TRPM7: variants seen among roughly 807,000 people sequenced by gnomAD.
The protein encoded by TRPM7 is LTRPC ion channel family member 7.
Under a neutral mutation model 229.7 loss-of-function variants are expected in TRPM7, and 134 were observed. The ratio of observed to expected loss-of-function variants is 0.58; its 90% confidence interval spans 0.51 to 0.67. TRPM7 has a LOEUF of 0.67. TRPM7 is among the 30% of genes least tolerant of loss of function. The pLI is 0.00. For synonymous variants in TRPM7, 699 were observed against 715.2 expected, an observed-to-expected ratio of 0.98 and a Z score of 0.36; for missense variants, 1,901 against 2,210.0, an observed-to-expected ratio of 0.86 and a Z score of 2.80.
In TRPM7 at chr15:50,596,010, C is replaced by T. The variant is rs535818649; in HGVS notation, c.3290+245G>A. 1.9e-3 allele frequency among the ~76,000 whole-genome samples: 284 copies of T among 151,990 alleles called. 1 individual carries two copies. Among genetic ancestry groups the T allele is most frequent in the Middle Eastern group, 6.8e-3 (2 of 294 alleles). On this transcript the variant is annotated intron_variant, in intron 23 of 38. Transcript: ENST00000646667. ...TATTGAATGCGTATTTGTTGGCAAC[C>T]GAGGAAAAATCCCAGATAACGATTA...
At chr15:50,597,787 T>C (rs1447790117) in intron 22 of TRPM7, among the ~76,000 whole-genome samples, 1 of 151,776 alleles carries the variant, frequency 6.6e-6, no homozygotes, top group Admixed American at 6.6e-5. Context: ...GGCATGATGG[T>C]ATGCAGCTGT....
intron 4 of TRPM7, among the ~76,000 whole-genome samples, chr15:50,646,476 G>T (rs996955292): frequency 2.0e-5 from 3 of 152,150 alleles, no homozygotes; most frequent in Non-Finnish European, 4.4e-5. Flanking sequence ...TACAGACAAG[G>T]TCTCACTATG....
chr15:50,577,027 G>A (rs1277458609), intron 31 of TRPM7, among the ~76,000 whole-genome samples: 1 of 152,014 alleles, frequency 6.6e-6, no homozygotes. Flanking sequence ...TGGGAGGAAT[G>A]CTTGAGCCTA....
chr15:50,584,809 T>C (rs911571367), intron 28 of TRPM7, among the ~76,000 whole-genome samples: 4 of 152,054 alleles, frequency 2.6e-5, no homozygotes, highest in African/African-American at 7.2e-5. Flanking sequence ...ATAACATCTA[T>C]GTTAACTTAA....
intron 12 of TRPM7, among the ~76,000 whole-genome samples, chr15:50,622,223 A>C (rs1265262929): frequency 6.6e-6 from 1 of 152,208 alleles, no homozygotes; most frequent in Non-Finnish European, 1.5e-5. Flanking sequence ...AACACACACA[A>C]ACAAAACCTC....
At chr15:50,602,792 T>A (rs927074539) in intron 21 of TRPM7, among the ~76,000 whole-genome samples, 9 of 152,090 alleles carry the variant, frequency 5.9e-5, no homozygotes, top group African/African-American at 1.9e-4. Context: ...AAAGGGGATG[T>A]AAAGGGAAGC....
intron 28 of TRPM7, among the ~76,000 whole-genome samples, 159 bp from the exon 29 acceptor site, chr15:50,583,318 T>A (rs2054516905): frequency 6.6e-6 from 1 of 152,098 alleles, no homozygotes. Context: ...GGCCCATAAA[T>A]TATTCAATTT....
intron 28 of TRPM7, among the ~76,000 whole-genome samples, chr15:50,585,664 G>T (rs917753998): frequency 2.0e-5 from 3 of 152,208 alleles, no homozygotes; most frequent in Non-Finnish European, 4.4e-5. Context: ...ACCCAATTTG[G>T]TCATAATATG....
intron 11 of TRPM7, among the ~76,000 whole-genome samples, chr15:50,627,695 T>C (rs1203527088): frequency 2.0e-5 from 3 of 151,984 alleles, no homozygotes; most frequent in Non-Finnish European, 4.4e-5. Flanking sequence ...TAAAATTAGG[T>C]ATTTTGAAAC....
At chr15:50,570,187 T>A in intron 36 of TRPM7, 32 bp from the exon 37 acceptor site, 4 of 1,459,076 alleles carry the variant, frequency 2.7e-6, no homozygotes, top group Non-Finnish European at 3.7e-6. Context: ...AGACAAATAA[T>A]TTATATTATA....
rs35153596 is a variant in TRPM7, at chr15:50,672,898, C to CAAAA, written c.4-9856_4-9853dup. On this transcript the variant is annotated intron_variant, in intron 1 of 38. Transcript: ENST00000646667. The stretch of plus-strand genomic sequence containing the variant: ...AGGGTGACAGAGTGAGACTCTGTCT[C>CAAAA]AAAAAAAAAAAAAAAAAAAAAAAAA... Among the ~76,000 whole-genome samples, 262 of 26,212 alleles carry CAAAA rather than the reference C, an allele frequency of 1.0e-2. 44 individuals are homozygous for CAAAA. Among genetic ancestry groups the CAAAA allele is most frequent in the African/African-American group, 0.03 (229 of 7,664 alleles). 17.2% of individuals were successfully genotyped at this position (26,212 alleles called of 152,430 possible). A position where few individuals can be genotyped will look rare whatever the true frequency, so the allele number is the denominator to read the frequency against.
At chr15:50,657,852 C>A in intron 2 of TRPM7, 33 bp from the exon 3 acceptor site, 1 of 1,582,648 alleles carries the variant, frequency 6.3e-7, no homozygotes, top group Non-Finnish European at 8.6e-7. Flanking sequence ...TAAATTATTT[C>A]AGGTGAAAAA....
intron 17 of TRPM7, among the ~76,000 whole-genome samples, chr15:50,610,428 C>G (rs2060036022): frequency 6.6e-6 from 1 of 152,088 alleles, no homozygotes; most frequent in Non-Finnish European, 1.5e-5. Flanking sequence ...TTACTTATTA[C>G]TTGCAAAATC....
intron 2 of TRPM7, among the ~76,000 whole-genome samples, chr15:50,659,097 C>T (rs1423262786): frequency 6.6e-6 from 1 of 151,666 alleles, no homozygotes; most frequent in Admixed American, 6.6e-5. Context: ...ACTCGGGAGG[C>T]TGAGGAAAGA....
At chr15:50,636,466 T>G (rs1488819230) in intron 7 of TRPM7, among the ~76,000 whole-genome samples, 1 of 152,114 alleles carries the variant, frequency 6.6e-6, no homozygotes, top group African/African-American at 2.4e-5. Flanking sequence ...GCTGCGATTA[T>G]AGGCATGAGC....
chr15:50,587,339 T>G (rs2059369600), intron 27 of TRPM7, among the ~76,000 whole-genome samples: 1 of 151,632 alleles, frequency 6.6e-6, no homozygotes, highest in Admixed American at 6.6e-5. Flanking sequence ...ACATTTTCCC[T>G]TAATATTTTT....
At chr15:50,571,930 G>A (rs1759394243) in intron 36 of TRPM7, among the ~76,000 whole-genome samples, 1 of 152,226 alleles carries the variant, frequency 6.6e-6, no homozygotes, top group African/African-American at 2.4e-5. Flanking sequence ...AAGTTCCACT[G>A]TGGGTAAAAT....
intron 1 of TRPM7, among the ~76,000 whole-genome samples, chr15:50,684,526 A>AG (rs1442641283): frequency 6.6e-6 from 1 of 152,058 alleles, no homozygotes; most frequent in Non-Finnish European, 1.5e-5. Context: ...CTGGAGTCCC[A>AG]GCTACTCGGG....
At chr15:50,616,431 T>C (rs1477898827) in intron 13 of TRPM7, among the ~76,000 whole-genome samples, 1 of 152,202 alleles carries the variant, frequency 6.6e-6, no homozygotes, top group Non-Finnish European at 1.5e-5. Flanking sequence ...TTAAGATTTC[T>C]AGGGGAAGGA....
Sources: gnomAD v4.1 joint callset for allele counts (sites outside exome capture counted in the v4.1 genomes callset) on GRCh38, gnomAD v4.1.1 for gene constraint, MANE v1.5 for transcripts, NCBI Gene and HGNC (gene_info 2026-07-23, HGNC 2026-07-21) for gene names.